Variants in CADM1 observed in about 807,000 individuals in gnomAD.
CADM1 encodes the protein TSLC-1.
A neutral mutation model predicts 53.1 loss-of-function variants in CADM1; 15 were observed. The observed-to-expected ratio is 0.28, with a 90% CI of 0.19 to 0.44. The LOEUF is 0.44. CADM1 is among the 20% of genes least tolerant of loss of function. The probability of loss-of-function intolerance (pLI) is 1.00; values close to 1 mark genes in which losing one functional copy is unlikely to be tolerated. For missense variants in CADM1, 434 were observed against 611.3 expected, an observed-to-expected ratio of 0.71 and a Z score of 3.06; for synonymous variants, 281 against 243.0, an observed-to-expected ratio of 1.16 and a Z score of -1.45.
intron 10 of CADM1, among the ~76,000 whole-genome samples, chr11:115,188,400 T>C (rs1939680124): frequency 6.6e-6 from 1 of 152,158 alleles, no homozygotes. Context: ...CATAATTTCT[T>C]TATGCAGATT....
rs532640333 is a variant in CADM1, at chr11:115,312,627, CT to C, written c.125-72208del. ...CATAAAACAAAGAGCTTAGAACACA[CT>C]TGATTGATTTCTTGTCCCCACCTTA... On this transcript the variant is annotated intron_variant, in intron 1 of 11. Transcript: ENST00000331581. Among the ~76,000 whole-genome samples the C allele has an allele frequency of 2.4e-4, 37 of 152,254 alleles. No homozygotes were observed. The South Asian group carries it at 7.3e-3, about 30-fold the overall frequency.
intron 1 of CADM1, among the ~76,000 whole-genome samples, chr11:115,273,755 C>A (rs952032004): frequency 4.6e-5 from 7 of 152,174 alleles, no homozygotes; most frequent in African/African-American, 1.7e-4. Context: ...AAGTGTGTAT[C>A]ACACTATAAA....
chr11:115,174,844 G>A lies in CADM1; in HGVS notation c.*1630C>T, dbSNP rs1440549467. ...TTACCAAACATATGGTAAGAGTTTA[G>A]TTTCTGTCCTTCAGGACTACTTCTA... On this transcript the variant is annotated 3_prime_UTR_variant, in exon 12 of 12. Transcript: ENST00000331581. 1 of 985,296 alleles carries A rather than the reference G, an allele frequency of 1.0e-6. No homozygotes were observed. The highest frequency in any genetic ancestry group is 6.2e-5 in the Admixed American group (1 of 16,252). 61.0% of individuals were successfully genotyped at this position (985,296 alleles called of 1,614,324 possible).
chr11:115,483,690 T>A (rs189240140), intron 1 of CADM1, among the ~76,000 whole-genome samples: 26 of 152,328 alleles, frequency 1.7e-4, no homozygotes, highest in East Asian at 1.3e-3. Context: ...AAAATACCGA[T>A]GAGCATGAGA....
chr11:115,276,892 C>A, intron 1 of CADM1, among the ~76,000 whole-genome samples: 1 of 151,954 alleles, frequency 6.6e-6, no homozygotes, highest in East Asian at 1.9e-4. Context: ...TGTCATCTGT[C>A]CCCTGTTTCT....
intron 9 of CADM1, among the ~76,000 whole-genome samples, chr11:115,196,595 T>TAAA (rs61694033): frequency 0.4 from 30,717 of 76,692 alleles, 7,112 homozygotes; most frequent in Non-Finnish European, 0.48. Flanking sequence ...GCTGATGAAC[T>TAAA]AAAAAAAAAA....
intron 10 of CADM1, among the ~76,000 whole-genome samples, chr11:115,182,769 A>T (rs945517625): frequency 5.3e-5 from 8 of 152,216 alleles, no homozygotes; most frequent in Admixed American, 5.2e-4. Context: ...CAGTTGTGGT[A>T]CAACCCTCCC....
chr11:115,481,507 A>G (rs186078346), intron 1 of CADM1, among the ~76,000 whole-genome samples: 4 of 152,090 alleles, frequency 2.6e-5, no homozygotes, highest in Admixed American at 2.0e-4. Context: ...TCTTCCATAT[A>G]CATTCTTCTT....
At chr11:115,282,170 T>C (rs897194232) in intron 1 of CADM1, among the ~76,000 whole-genome samples, 2 of 152,222 alleles carry the variant, frequency 1.3e-5, no homozygotes, top group African/African-American at 4.8e-5. Context: ...ATGTCTTATA[T>C]GGATTATCTT....
chr11:115,349,955 C>A (rs902646109), intron 1 of CADM1, among the ~76,000 whole-genome samples: 1 of 152,084 alleles, frequency 6.6e-6, no homozygotes, highest in African/African-American at 2.4e-5. Context: ...GCCTTACCAT[C>A]TTTTTCTTTG....
chr11:115,436,370 T>G (rs2135310211), intron 1 of CADM1, among the ~76,000 whole-genome samples: 2 of 152,304 alleles, frequency 1.3e-5, no homozygotes, highest in Middle Eastern at 3.4e-3. Context: ...CTTGAGTTTC[T>G]TTGCTGCTTT....
chr11:115,402,264 C>T (rs1947177665), intron 1 of CADM1, among the ~76,000 whole-genome samples: 2 of 152,238 alleles, frequency 1.3e-5, no homozygotes, highest in Middle Eastern at 3.4e-3. Flanking sequence ...GTGGCTCACA[C>T]CTGTAATACC....
In CADM1 at chr11:115,443,123, T is replaced by C. The variant is rs1374355446; in HGVS notation, c.124+61148A>G. On this transcript the variant is annotated intron_variant, in intron 1 of 11. Coordinates refer to ENST00000331581, the MANE Select transcript of CADM1 (RefSeq NM_001301043.2). ...AGCTAAAGTCGAGTAAATACAAATA[T>C]TCTTGGGCTGGGAGCCAAAGGCTCC... is the stretch of plus-strand genomic sequence containing the variant. Among the ~76,000 whole-genome samples the C allele has an allele frequency of 2.0e-5, 3 of 152,278 alleles. No individual in the cohort carries two copies. In the East Asian group the frequency reaches 5.8e-4, roughly 29 times the overall value.
In CADM1 at chr11:115,229,793, A is replaced by C. The variant is rs1941751782; in HGVS notation, c.563-522T>G. Among the ~76,000 whole-genome samples the C allele has an allele frequency of 3.3e-5, 5 of 152,352 alleles. No homozygotes were observed. The South Asian group carries it at 1.0e-3, about 32-fold the overall frequency. Reference sequence around the variant, plus strand: ...CCTACTCCCATCATCAACAATTAAGAGAGAAAGTAACTAAATGGATTTACA... The same window carrying C: ...CCTACTCCCATCATCAACAATTAAGCGAGAAAGTAACTAAATGGATTTACA... On this transcript the variant is annotated intron_variant, in intron 4 of 11. Transcript: ENST00000331581.
At chr11:115,375,791 CAT>C (rs1413189209) in intron 1 of CADM1, among the ~76,000 whole-genome samples, 2 of 152,004 alleles carry the variant, frequency 1.3e-5, no homozygotes, top group Non-Finnish European at 1.5e-5. Context: ...AAATATCTAT[CAT>C]ATGCCACTTG....
chr11:115,209,502 G>A lies in CADM1; in HGVS notation c.1078+72C>T, dbSNP rs536182333. ...TCCAAGGATTTAAAGGGAACTTTTC[G>A]GCTTCTTTTTATACATACCAGAAAG... On this transcript the variant is annotated intron_variant, in intron 8 of 11. Coordinates refer to ENST00000331581, the MANE Select transcript of CADM1 (RefSeq NM_001301043.2). 8.2e-5 allele frequency: 132 copies of A among 1,601,098 alleles called. 1 individual carries two copies. The African/African-American group carries it at 9.4e-4, about 11-fold the overall frequency.
intron 1 of CADM1, among the ~76,000 whole-genome samples, chr11:115,310,082 T>C (rs1944490308): frequency 6.6e-6 from 1 of 152,178 alleles, no homozygotes; most frequent in Non-Finnish European, 1.5e-5. Context: ...TGTTTATTTT[T>C]ATTCCTTCGA....
At chr11:115,463,232 A>G (rs1228054065) in intron 1 of CADM1, among the ~76,000 whole-genome samples, 1 of 151,978 alleles carries the variant, frequency 6.6e-6, no homozygotes, top group Non-Finnish European at 1.5e-5. Flanking sequence ...CATCAAACTT[A>G]TTTTTTCAGC....
chr11:115,250,188 C>T (rs1420710427), intron 1 of CADM1, among the ~76,000 whole-genome samples: 1 of 152,198 alleles, frequency 6.6e-6, no homozygotes, highest in East Asian at 1.9e-4. Context: ...CAAGCATGAG[C>T]CACTGTGCCC....
Sources: allele counts gnomAD v4.1 joint callset (sites outside exome capture counted in the v4.1 genomes callset), GRCh38; gene constraint gnomAD v4.1.1; transcripts MANE v1.5; gene names NCBI Gene and HGNC (gene_info 2026-07-23, HGNC 2026-07-21).